Variants in ANKMY2 observed in about 807,000 individuals in gnomAD.
ANKMY2 encodes the protein ankyrin repeat and MYND domain-containing protein 2.
ANKMY2 carries 36 observed loss-of-function variants against 50.4 expected under a neutral mutation model. The observed-to-expected ratio is 0.71, with a 90% CI of 0.55 to 0.94. The LOEUF (loss-of-function observed/expected upper bound fraction) is 0.94, where lower values mean the gene tolerates loss of function less well. Among genes scored for constraint, ANKMY2 ranks in the 40% least tolerant of loss-of-function variants. The pLI is 0.00. For synonymous variants in ANKMY2, 187 were observed against 178.8 expected, an observed-to-expected ratio of 1.05 and a Z score of -0.36; for missense variants, 565 against 524.0, an observed-to-expected ratio of 1.08 and a Z score of -0.76.
At chr7:16,623,901 T>G (rs1011262278) in intron 4 of ANKMY2, among the ~76,000 whole-genome samples, 1 of 152,036 alleles carries the variant, frequency 6.6e-6, no homozygotes, top group African/African-American at 2.4e-5. Flanking sequence ...CAGCTTCTAT[T>G]AGTAGTTTCA....
Position 16,609,769 on chromosome 7 carries a change from A to C in ANKMY2, c.747-4T>G. 6.2e-7 allele frequency: 1 copy of C among 1,607,780 alleles called. No individual in the cohort carries two copies. Among genetic ancestry groups the C allele is most frequent in the Non-Finnish European group, 8.5e-7 (1 of 1,177,836 alleles). ...AGAAGCTCGGCCTTTTAACAAGCTG[A>C]AAGATATTTTTTAAAGCGTAATTGG... On this transcript the variant is annotated splice_region_variant and splice_polypyrimidine_tract_variant and intron_variant, in intron 6 of 9. Coordinates refer to ENST00000306999, the MANE Select transcript of ANKMY2 (RefSeq NM_020319.3).
chr7:16,641,195 T>C (rs1290651444), intron 1 of ANKMY2, among the ~76,000 whole-genome samples: 4 of 151,896 alleles, frequency 2.6e-5, no homozygotes, highest in Non-Finnish European at 4.4e-5. Context: ...GAGCGCACCA[T>C]TGCATTCCAG....
At chr7:16,634,662 C>T (rs574739676) in intron 2 of ANKMY2, among the ~76,000 whole-genome samples, 1 of 152,156 alleles carries the variant, frequency 6.6e-6, no homozygotes, top group Non-Finnish European at 1.5e-5. Flanking sequence ...GCATCCAGTG[C>T]TCACACAGGG....
intron 4 of ANKMY2, among the ~76,000 whole-genome samples, chr7:16,616,594 C>T (rs956610687): frequency 5.3e-5 from 8 of 152,160 alleles, no homozygotes; most frequent in Non-Finnish European, 8.8e-5. Context: ...CTAGCTCCCT[C>T]TCCACTACCT....
intron 8 of ANKMY2, among the ~76,000 whole-genome samples, chr7:16,604,403 A>C (rs1781119637): frequency 6.6e-6 from 1 of 152,188 alleles, no homozygotes; most frequent in Non-Finnish European, 1.5e-5. Flanking sequence ...CATCTGCACC[A>C]GCCTTGGTCT....
intron 1 of ANKMY2, among the ~76,000 whole-genome samples, chr7:16,638,612 C>A (rs1781701801): frequency 6.6e-6 from 1 of 152,146 alleles, no homozygotes; most frequent in African/African-American, 2.4e-5. Flanking sequence ...TAGGTGTGAC[C>A]TATTATTAAG....
In ANKMY2 at chr7:16,610,529, C is replaced by T. The variant is rs551029728; in HGVS notation, c.746+20G>A. 2.1e-5 allele frequency: 33 copies of T among 1,567,512 alleles called. No individual in the cohort carries two copies. Among genetic ancestry groups the T allele is most frequent in the South Asian group, 4.6e-5 (4 of 87,270 alleles). On this transcript the variant is annotated intron_variant, in intron 6 of 9. Coordinates refer to ENST00000306999, the MANE Select transcript of ANKMY2 (RefSeq NM_020319.3). Reference sequence around the variant, plus strand: ...TATTCACTTGAGTGTATTTTATAAACGACATAGTAAAAAGAGTACCTTTTG... The same window carrying T: ...TATTCACTTGAGTGTATTTTATAAATGACATAGTAAAAAGAGTACCTTTTG...
At chr7:16,628,203 T>G (rs957706073) in intron 2 of ANKMY2, among the ~76,000 whole-genome samples, 3 of 152,226 alleles carry the variant, frequency 2.0e-5, no homozygotes, top group African/African-American at 7.2e-5. Context: ...GATGAAACGC[T>G]CTGTAAAACA....
At chr7:16,637,776 A>G (rs1286438151) in intron 1 of ANKMY2, among the ~76,000 whole-genome samples, 3 of 152,234 alleles carry the variant, frequency 2.0e-5, no homozygotes, top group Non-Finnish European at 4.4e-5. Context: ...CTTGAGGAAG[A>G]TGCTTCATCC....
intron 1 of ANKMY2, among the ~76,000 whole-genome samples, chr7:16,642,595 A>G (rs1410601087): frequency 2.0e-5 from 3 of 152,062 alleles, no homozygotes; most frequent in Non-Finnish European, 4.4e-5. Context: ...TGTTAGTTCA[A>G]AGTACTAGAA....
intron 4 of ANKMY2, among the ~76,000 whole-genome samples, chr7:16,622,205 A>C (rs911451270): frequency 6.6e-6 from 1 of 152,172 alleles, no homozygotes; most frequent in African/African-American, 2.4e-5. Flanking sequence ...AAGCAATAAC[A>C]AAGGGCATCC....
rs751111922 is a variant in ANKMY2 at position 16,645,624 on chromosome 7, G to A, written c.-51C>T. On this transcript the variant is annotated 5_prime_UTR_variant, in exon 1 of 10. Transcript: ENST00000306999. Reference sequence around the variant, plus strand: ...CCCTTTCTTAGGGAGTATTAAAAAAGAAACGATGCGTCTGTATTGGGAACG... The same window carrying A: ...CCCTTTCTTAGGGAGTATTAAAAAAAAAACGATGCGTCTGTATTGGGAACG... 4 of 1,582,976 alleles carry A rather than the reference G, an allele frequency of 2.5e-6. No homozygotes were observed. In the Admixed American group the frequency reaches 5.5e-5, roughly 22 times the overall value.
intron 1 of ANKMY2, among the ~76,000 whole-genome samples, chr7:16,636,726 C>T (rs556425604): frequency 2.6e-5 from 4 of 151,962 alleles, no homozygotes; most frequent in South Asian, 2.1e-4. Flanking sequence ...TTCCTTTTGG[C>T]GGTAATACAA....
intron 8 of ANKMY2, chr7:16,603,508 G>T (rs921719776): frequency 5.3e-6 from 2 of 374,190 alleles, no homozygotes; most frequent in South Asian, 4.3e-5. Flanking sequence ...TTGCAAGTAG[G>T]GGTGGAAAGG....
chr7:16,641,263 G>C (rs192610776), intron 1 of ANKMY2, among the ~76,000 whole-genome samples: 2 of 149,326 alleles, frequency 1.3e-5, no homozygotes, highest in Non-Finnish European at 3.0e-5. Flanking sequence ...CACACACATA[G>C]TGGAGACTTC....
Position 16,610,764 on chromosome 7 carries a change from C to T in ANKMY2, c.532-1G>A. 2 of 1,613,224 alleles carry T rather than the reference C, an allele frequency of 1.2e-6. No individual in the cohort carries two copies. Among genetic ancestry groups the T allele is most frequent in the Non-Finnish European group, 1.7e-6 (2 of 1,179,714 alleles). The stretch of plus-strand genomic sequence containing the variant: ...GATTCTCATTTACAAGCATCACGAT[C>T]TAGAGGAAATCCCAGTGTACTCAGG... On this transcript the variant is annotated splice_acceptor_variant, in intron 5 of 9. Coordinates refer to ENST00000306999, the MANE Select transcript of ANKMY2 (RefSeq NM_020319.3). LOFTEE classifies it high-confidence loss of function.
At chr7:16,613,920 C>CA (rs143274762) in intron 5 of ANKMY2, among the ~76,000 whole-genome samples, 48,916 of 111,632 alleles carry the variant, frequency 0.44, 9,722 homozygotes, top group East Asian at 0.62. Flanking sequence ...GACCCTATCT[C>CA]AAAAAAAAAA....
intron 1 of ANKMY2, among the ~76,000 whole-genome samples, chr7:16,638,519 C>A (rs566418102): frequency 6.6e-6 from 1 of 152,340 alleles, no homozygotes; most frequent in South Asian, 2.1e-4. Context: ...GGCACTCATT[C>A]TTCCAAGAAC....
chr7:16,603,696 T>C, intron 8 of ANKMY2: 1 of 471,190 alleles, frequency 2.1e-6, no homozygotes, highest in Non-Finnish European at 4.4e-6. Flanking sequence ...GATTGGGCCA[T>C]GTAATTTGTT....
Sources: gnomAD v4.1 joint callset for allele counts (sites outside exome capture counted in the v4.1 genomes callset) on GRCh38, gnomAD v4.1.1 for gene constraint, MANE v1.5 for transcripts, NCBI Gene and HGNC (gene_info 2026-07-23, HGNC 2026-07-21) for gene names.